FSIP1: variants seen among roughly 807,000 people sequenced by gnomAD.
FSIP1 encodes fibrous sheath interacting protein 1, also known as fibrous sheath-interacting protein 1.
A neutral mutation model predicts 60.9 loss-of-function variants in FSIP1; 65 were observed. The observed-to-expected ratio is 1.07, with a 90% CI of 0.87 to 1.31. FSIP1 has a LOEUF of 1.31. FSIP1 is among the 40% of genes most tolerant of loss of function. FSIP1 has a pLI of 0.00. For synonymous variants in FSIP1, 209 were observed against 221.2 expected (o/e 0.94, Z 0.49); for missense variants, 675 against 665.5 (o/e 1.01, Z -0.16).
intron 10 of FSIP1, among the ~76,000 whole-genome samples, chr15:39,654,987 AC>A (rs1893016480): frequency 6.6e-6 from 1 of 152,212 alleles, no homozygotes; most frequent in Non-Finnish European, 1.5e-5. Flanking sequence ...TCAGTTAAAA[AC>A]ATCAAAATAT....
At chr15:39,661,057 G>A (rs528395182) in intron 10 of FSIP1, among the ~76,000 whole-genome samples, 4 of 152,166 alleles carry the variant, frequency 2.6e-5, no homozygotes, top group African/African-American at 7.2e-5. Flanking sequence ...GAGAGACTGC[G>A]TCTCCAATAA....
At chr15:39,620,743 C>A (rs1426895577) in intron 10 of FSIP1, among the ~76,000 whole-genome samples, 3 of 148,804 alleles carry the variant, frequency 2.0e-5, no homozygotes, top group Non-Finnish European at 4.4e-5. Flanking sequence ...AGGCACCCAC[C>A]ACCACACCTG....
chr15:39,738,181 G>A lies in FSIP1; in HGVS notation c.801C>T (p.Asn267=), dbSNP rs1332902575. The change falls in exon 8 of 12, where the codon AAC becomes AAT. Residue 267 remains asparagine, a synonymous_variant. Coordinates refer to ENST00000350221, the MANE Select transcript of FSIP1 (RefSeq NM_152597.5). ...TCTCTCTGTCAACCATAACCACTGG[G>A]TTTCTTGATTCCTTGGCCAACTACA... ...RNIELAKESR[N]PVVMVDREKK... 15 of 1,610,318 alleles carry A rather than the reference G, an allele frequency of 9.3e-6. No individual in the cohort carries two copies. Among genetic ancestry groups the A allele is most frequent in the Non-Finnish European group, 1.2e-5 (14 of 1,178,464 alleles).
chr15:39,770,706 G>A, intron 2 of FSIP1, 96 bp from the exon 3 acceptor site: 3 of 713,846 alleles, frequency 4.2e-6, no homozygotes, highest in Non-Finnish European at 6.5e-6. Context: ...GGAAGCAGAT[G>A]GAGAATGTAC....
chr15:39,659,534 T>G (rs1893208169), intron 10 of FSIP1, among the ~76,000 whole-genome samples: 1 of 134,042 alleles, frequency 7.5e-6, no homozygotes, highest in Admixed American at 8.1e-5. Context: ...AGAGCAAGAC[T>G]CCTCCTCAAA....
In FSIP1 at chr15:39,763,749, G is replaced by A. The variant is rs1175764680; in HGVS notation, c.559+72C>T. On this transcript the variant is annotated intron_variant, in intron 5 of 11. Transcript: ENST00000350221. Reference sequence around the variant, plus strand: ...GAACAGGACAGAAAAACTGGATTGGGAATTTTACTTTAATCCAAATATTCC... The same window carrying A: ...GAACAGGACAGAAAAACTGGATTGGAAATTTTACTTTAATCCAAATATTCC... 3.7e-6 allele frequency: 3 copies of A among 808,770 alleles called. No individual in the cohort carries two copies. In the African/African-American group the frequency reaches 5.1e-5, roughly 14 times the overall value. The allele number at this position is 808,770 out of a possible 1,614,324, so 50.1% of individuals were successfully genotyped here.
chr15:39,670,140 A>T (rs1434756386), intron 10 of FSIP1, among the ~76,000 whole-genome samples: 1 of 152,246 alleles, frequency 6.6e-6, no homozygotes, highest in Non-Finnish European at 1.5e-5. Context: ...TGGTGATAAC[A>T]AGTGAAATGG....
At chr15:39,614,504 G>A (rs1891150579) in intron 11 of FSIP1, among the ~76,000 whole-genome samples, 1 of 152,052 alleles carries the variant, frequency 6.6e-6, no homozygotes, top group Non-Finnish European at 1.5e-5. Context: ...AATTAGCCGG[G>A]CGTGGTGGCA....
intron 10 of FSIP1, among the ~76,000 whole-genome samples, chr15:39,669,235 T>C (rs1349484484): frequency 1.3e-5 from 2 of 152,150 alleles, no homozygotes; most frequent in African/African-American, 2.4e-5. Flanking sequence ...GGCTGTCCAC[T>C]TCAGCCTACA....
chr15:39,771,041 G>C (rs1378407837), intron 2 of FSIP1, among the ~76,000 whole-genome samples: 1 of 152,238 alleles, frequency 6.6e-6, no homozygotes, highest in Non-Finnish European at 1.5e-5. Context: ...CTCCTAATCA[G>C]AACCCTGTGC....
chr15:39,656,354 T>C (rs1273659420), intron 10 of FSIP1, among the ~76,000 whole-genome samples: 1 of 152,260 alleles, frequency 6.6e-6, no homozygotes, highest in African/African-American at 2.4e-5. Context: ...CTTATACCTA[T>C]AGCGCCAATG....
chr15:39,666,099 GC>G (rs1219509687), intron 10 of FSIP1, among the ~76,000 whole-genome samples: 1 of 152,164 alleles, frequency 6.6e-6, no homozygotes, highest in Non-Finnish European at 1.5e-5. Flanking sequence ...AAACAGTGAA[GC>G]AAGAAACTCT....
intron 5 of FSIP1, among the ~76,000 whole-genome samples, chr15:39,748,243 TA>T (rs1483068541): frequency 9.2e-5 from 14 of 152,202 alleles, no homozygotes; most frequent in Non-Finnish European, 1.8e-4. Context: ...CAGAAACTAA[TA>T]AAAGCACAAT....
intron 6 of FSIP1, among the ~76,000 whole-genome samples, chr15:39,741,042 G>A (rs1376664017): frequency 4.6e-5 from 7 of 152,002 alleles, no homozygotes; most frequent in African/African-American, 2.4e-5. Context: ...TTTTTGGTGA[G>A]TGGCCTAATA....
In FSIP1 at chr15:39,608,475, T is replaced by C. The variant is rs192101161; in HGVS notation, c.1700-7549A>G. On this transcript the variant is annotated intron_variant, in intron 11 of 11. Coordinates refer to ENST00000350221, the MANE Select transcript of FSIP1 (RefSeq NM_152597.5). ...GGAATGAGATCCCATACACAAGAAA[T>C]GATTGCATCCAATTTTGTAAGTTTG... Among the ~76,000 whole-genome samples the C allele has an allele frequency of 1.4e-3, 211 of 152,306 alleles. 1 individual carries two copies. Among genetic ancestry groups the C allele is most frequent in the African/African-American group, 4.9e-3 (203 of 41,576 alleles).
intron 2 of FSIP1, among the ~76,000 whole-genome samples, chr15:39,776,123 A>C (rs891907512): frequency 7.4e-6 from 1 of 135,758 alleles, no homozygotes; most frequent in East Asian, 2.5e-4. Flanking sequence ...GAAAAAAAGG[A>C]AGGTGGGAGG....
In FSIP1 at chr15:39,726,637, G is replaced by C. The variant is rs374328139; in HGVS notation, c.1002C>G (p.Ser334=). 3 of 1,614,056 alleles carry C rather than the reference G, an allele frequency of 1.9e-6. No homozygotes were observed. Among genetic ancestry groups the C allele is most frequent in the Non-Finnish European group, 2.5e-6 (3 of 1,179,996 alleles). Residue 334 remains serine, a synonymous_variant, in exon 9 of 12, where the codon TCC becomes TCG. Transcript: ENST00000350221. ...DIKLQELSAA[S]PTISSFSPRL... The stretch of plus-strand genomic sequence containing the variant: ...TTGGAGAAAAACTGGAAATTGTAGG[G>C]GAGGCTGCAGAGAGTTCTTGGAGTT...
chr15:39,759,693 G>T (rs1473925140), intron 5 of FSIP1, among the ~76,000 whole-genome samples: 1 of 152,114 alleles, frequency 6.6e-6, no homozygotes, highest in African/African-American at 2.4e-5. Context: ...TGTCAGCAGG[G>T]CCACGTTCCC....
intron 9 of FSIP1, among the ~76,000 whole-genome samples, chr15:39,721,902 C>A (rs566594371): frequency 6.6e-6 from 1 of 152,260 alleles, no homozygotes; most frequent in Non-Finnish European, 1.5e-5. Flanking sequence ...TAAAAAAAAT[C>A]ATTAAACCCT....
Sources: allele counts gnomAD v4.1 joint callset (sites outside exome capture counted in the v4.1 genomes callset), GRCh38; gene constraint gnomAD v4.1.1; transcripts MANE v1.5; gene names NCBI Gene and HGNC (gene_info 2026-07-23, HGNC 2026-07-21).